ACTMAP: variants seen among roughly 807,000 people sequenced by gnomAD.
ACTMAP encodes the protein actin maturation protease.
the ACTMAP span, chr19:40,744,064 T>C: frequency 1.9e-6 from 3 of 1,613,856 alleles, no homozygotes; most frequent in Non-Finnish European, 2.5e-6. Flanking sequence ...GGCCCTGGGA[T>C]ACGGGATGAG....
the ACTMAP span, chr19:40,744,675 AG>A: frequency 6.2e-7 from 1 of 1,610,078 alleles, no homozygotes; most frequent in South Asian, 1.1e-5. Context: ...CAAGGCCACC[AG>A]CCCGCATCTG....
chr19:40,742,118 C>G, the ACTMAP span: 1 of 563,834 alleles, frequency 1.8e-6, no homozygotes, highest in African/African-American at 1.9e-5. Context: ...GTTCAGTGTC[C>G]CTGTCCTGTG....
At chr19:40,744,177 C>T in the ACTMAP span, 1 of 1,593,738 alleles carries the variant, frequency 6.3e-7, no homozygotes, top group Non-Finnish European at 8.5e-7. Flanking sequence ...CCTCCTGGGC[C>T]AGCCTGCCCA....
At chr19:40,749,782 G>A in the ACTMAP span, 223 of 1,466,978 alleles carry the variant, frequency 1.5e-4, 1 homozygote, top group Non-Finnish European at 8.5e-5. Flanking sequence ...GGTTTTAGGG[G>A]AGGAGAGCAT....
the ACTMAP span, among the ~76,000 whole-genome samples, chr19:40,743,001 T>A: frequency 6.6e-6 from 1 of 151,822 alleles, no homozygotes. Context: ...ACAGGGGAGG[T>A]GGGGAGGCAG....
At chr19:40,745,097 G>GA in the ACTMAP span, 1 of 1,550,808 alleles carries the variant, frequency 6.4e-7, no homozygotes, top group Admixed American at 2.0e-5. Context: ...AAAGGCAGCA[G>GA]ATGGGCTGGG....
the ACTMAP span, chr19:40,744,830 G>A: frequency 3.1e-6 from 4 of 1,280,788 alleles, no homozygotes; most frequent in Non-Finnish European, 4.2e-6. Context: ...CTTCAGGGGA[G>A]AGCCCAGGGC....
At chr19:40,749,494 G>C in the ACTMAP span, 9 of 1,546,616 alleles carry the variant, frequency 5.8e-6, no homozygotes, top group Middle Eastern at 3.7e-4. Context: ...TCCTTGTGTA[G>C]TTTCAGAAGC....
chr19:40,744,000 C>A, the ACTMAP span: 1 of 1,614,022 alleles, frequency 6.2e-7, no homozygotes, highest in Non-Finnish European at 8.5e-7. Context: ...AAGGTAAAAA[C>A]GATGGTGTGG....
chr19:40,742,828 GCTCA>G, the ACTMAP span: 28 of 1,494,060 alleles, frequency 1.9e-5, no homozygotes, highest in South Asian at 7.5e-5. Flanking sequence ...AGGTGCTGGG[GCTCA>G]CTAAGTTCCG....
At chr19:40,743,379 T>A in the ACTMAP span, among the ~76,000 whole-genome samples, 3 of 152,030 alleles carry the variant, frequency 2.0e-5, no homozygotes, top group Non-Finnish European at 4.4e-5. Flanking sequence ...ATTTCAGGCA[T>A]ACACCACCAC....
chr19:40,743,765 G>A, the ACTMAP span: 1 of 1,038,710 alleles, frequency 9.6e-7, no homozygotes, highest in Non-Finnish European at 1.4e-6. Flanking sequence ...AGACACCTGG[G>A]GCCCAGCCTG....
the ACTMAP span, chr19:40,750,048 C>T: frequency 1.7e-5 from 7 of 401,688 alleles, no homozygotes; most frequent in Admixed American, 9.2e-5. Flanking sequence ...AATCCGGAAC[C>T]GGATCTGTGG....
the ACTMAP span, chr19:40,742,908 C>A: frequency 1.2e-6 from 1 of 855,588 alleles, no homozygotes; most frequent in South Asian, 1.8e-5. Context: ...TTAGTGGTGG[C>A]CAGTGGGTTG....
chr19:40,749,792 T>C, the ACTMAP span: 57 of 1,456,592 alleles, frequency 3.9e-5, no homozygotes, highest in African/African-American at 6.9e-4. Flanking sequence ...GAGGAGAGCA[T>C]GGAGAAGTCA....
the ACTMAP span, chr19:40,750,171 C>G: frequency 5.6e-6 from 1 of 178,094 alleles, no homozygotes; most frequent in African/African-American, 2.4e-5. Flanking sequence ...AGGCTCAGAT[C>G]TAGAGTGAGG....
the ACTMAP span, among the ~76,000 whole-genome samples, chr19:40,743,235 T>G: frequency 5.3e-4 from 5 of 9,390 alleles, no homozygotes; most frequent in African/African-American, 2.2e-3. Context: ...CCCTGTTCTA[T>G]TTTTTTTTTT....
the ACTMAP span, chr19:40,749,700 G>C: frequency 2.0e-6 from 3 of 1,525,052 alleles, no homozygotes; most frequent in Non-Finnish European, 2.6e-6. Context: ...AAAGTCCAGG[G>C]GACTTGGGGG....
chr19:40,743,598 C>T, the ACTMAP span, among the ~76,000 whole-genome samples: 1 of 152,162 alleles, frequency 6.6e-6, no homozygotes, highest in East Asian at 1.9e-4. Flanking sequence ...GGTACTGTTA[C>T]CCCCAATTTC....
Sources: allele counts gnomAD v4.1 joint callset (sites outside exome capture counted in the v4.1 genomes callset), GRCh38; gene constraint gnomAD v4.1.1; transcripts MANE v1.5; gene names NCBI Gene and HGNC (gene_info 2026-07-23, HGNC 2026-07-21).